The following BTRC variants were observed in gnomAD, a reference collection of about 807,000 sequenced individuals.
BTRC encodes beta-transducin repeat containing E3 ubiquitin protein ligase, also known as F-box/WD repeat-containing protein 1A.
A neutral mutation model predicts 85.5 loss-of-function variants in BTRC; 42 were observed. The ratio of observed to expected loss-of-function variants is 0.49; its 90% CI spans 0.38 to 0.64. BTRC has a LOEUF of 0.64. Ranked by LOEUF, BTRC falls within the 30% of genes least tolerant of loss-of-function variation. The pLI is 0.00. For synonymous variants in BTRC, 255 were observed against 263.3 expected (o/e 0.97, Z 0.30); for missense variants, 594 against 743.5 (o/e 0.80, Z 2.34).
At chr10:101,378,493 CAGTT>C (rs1942845863) in intron 1 of BTRC, among the ~76,000 whole-genome samples, 1 of 148,628 alleles carries the variant, frequency 6.7e-6, no homozygotes, top group African/African-American at 2.5e-5. Flanking sequence ...ACCGAGTTCT[CAGTT>C]AGGAAATAGG....
At chr10:101,414,259 T>C (rs907738544) in intron 1 of BTRC, among the ~76,000 whole-genome samples, 8 of 152,212 alleles carry the variant, frequency 5.3e-5, no homozygotes, top group Admixed American at 4.6e-4. Context: ...AGTGATGGAC[T>C]GTGTACACGA....
intron 4 of BTRC, among the ~76,000 whole-genome samples, chr10:101,508,143 C>G (rs1946590295): frequency 6.6e-6 from 1 of 152,054 alleles, no homozygotes; most frequent in Non-Finnish European, 1.5e-5. Context: ...CTGCTTTGTT[C>G]TGAATTTGAT....
chr10:101,547,114 T>C (rs532676704), intron 13 of BTRC, among the ~76,000 whole-genome samples: 1 of 152,242 alleles, frequency 6.6e-6, no homozygotes, highest in Admixed American at 6.5e-5. Context: ...GTTAGGCAGA[T>C]CAAATGCATT....
At chr10:101,419,214 T>C (rs1944031962) in intron 1 of BTRC, among the ~76,000 whole-genome samples, 1 of 152,116 alleles carries the variant, frequency 6.6e-6, no homozygotes, top group Admixed American at 6.6e-5. Context: ...TTTCACCATG[T>C]TGACCAGGCT....
chr10:101,424,419 T>A (rs1279900528), intron 1 of BTRC, among the ~76,000 whole-genome samples: 1 of 152,200 alleles, frequency 6.6e-6, no homozygotes, highest in African/African-American at 2.4e-5. Context: ...TATGGTATAC[T>A]GCATTTCTCT....
chr10:101,485,636 T>TTTTTTG (rs1023312724), intron 4 of BTRC, among the ~76,000 whole-genome samples: 5 of 152,340 alleles, frequency 3.3e-5, no homozygotes, highest in East Asian at 3.9e-4. Context: ...ATGAACCGTT[T>TTTTTTG]TTTTTGTTTT....
At chr10:101,386,286 C>G (rs981674362) in intron 1 of BTRC, among the ~76,000 whole-genome samples, 3 of 152,200 alleles carry the variant, frequency 2.0e-5, no homozygotes, top group African/African-American at 7.2e-5. Flanking sequence ...CTAGTAAGTA[C>G]ACTCTGCATC....
At chr10:101,455,257 A>G (rs1179098272) in intron 2 of BTRC, among the ~76,000 whole-genome samples, 1 of 144,754 alleles carries the variant, frequency 6.9e-6, no homozygotes, top group Non-Finnish European at 1.5e-5. Context: ...GGGTCTTGCT[A>G]TGTTACCCAG....
At position 101,553,221 on chromosome 10, in the gene BTRC, A is replaced by T. The variant is rs914220743; in HGVS notation, c.*98A>T. ...AGGATGAGCAACAACAGTAACAATCAAACTACTGCCCAGTTTCCCTGGACT... is the reference window on the plus strand; with the variant it reads ...AGGATGAGCAACAACAGTAACAATCTAACTACTGCCCAGTTTCCCTGGACT... On this transcript the variant is annotated 3_prime_UTR_variant, in exon 15 of 15. Transcript: ENST00000370187. The T allele has an allele frequency of 3.3e-5, 5 of 152,670 alleles. No homozygotes were observed. Among genetic ancestry groups the T allele is most frequent in the African/African-American group, 9.6e-5 (4 of 41,456 alleles). The allele number at this position is 152,670 out of a possible 1,614,324, so 9.5% of individuals were successfully genotyped here.
chr10:101,381,397 A>G (rs1373913848), intron 1 of BTRC, among the ~76,000 whole-genome samples: 1 of 152,178 alleles, frequency 6.6e-6, no homozygotes, highest in Non-Finnish European at 1.5e-5. Flanking sequence ...TATACTAACC[A>G]TGTTCCTTAA....
chr10:101,461,897 G>T (rs1945235665), intron 2 of BTRC, 84 bp from the exon 3 acceptor site: 3 of 995,930 alleles, frequency 3.0e-6, no homozygotes, highest in African/African-American at 1.6e-5. Context: ...CTAACTTACA[G>T]AATTAGAAAT....
In BTRC at chr10:101,534,591, C is replaced by T. The variant is rs991924474; in HGVS notation, c.1098-70C>T. ...TCTCTAAATATAAGGGGTGGAAGGG[C>T]GCATGATGGTCAAATATAGGTAACA... On this transcript the variant is annotated intron_variant, in intron 9 of 14. Transcript: ENST00000370187. The T allele has an allele frequency of 3.5e-5, 56 of 1,580,700 alleles. No homozygotes were observed. The East Asian group carries it at 6.0e-4, about 17-fold the overall frequency.
At chr10:101,433,854 C>G (rs1270812181) in intron 2 of BTRC, among the ~76,000 whole-genome samples, 1 of 151,912 alleles carries the variant, frequency 6.6e-6, no homozygotes, top group African/African-American at 2.4e-5. Context: ...TGGTTTTGGA[C>G]CCAGGATCTT....
chr10:101,523,235 A>C (rs2062145649), intron 5 of BTRC, among the ~76,000 whole-genome samples: 1 of 152,170 alleles, frequency 6.6e-6, no homozygotes, highest in Admixed American at 6.5e-5. Flanking sequence ...ATAGATAAAT[A>C]AATTCTACAG....
intron 3 of BTRC, among the ~76,000 whole-genome samples, chr10:101,465,584 ATATT>A (rs1314806428): frequency 6.6e-6 from 1 of 152,216 alleles, no homozygotes; most frequent in Non-Finnish European, 1.5e-5. Flanking sequence ...AATTCAACAA[ATATT>A]TAAGGAAGAA....
chr10:101,465,483 C>T (rs1945349411), intron 3 of BTRC, among the ~76,000 whole-genome samples: 1 of 152,110 alleles, frequency 6.6e-6, no homozygotes, highest in African/African-American at 2.4e-5. Flanking sequence ...TACCAAAACT[C>T]TTAACACAGG....
intron 4 of BTRC, among the ~76,000 whole-genome samples, chr10:101,513,673 A>C (rs1196625734): frequency 6.6e-6 from 1 of 152,164 alleles, no homozygotes; most frequent in Non-Finnish European, 1.5e-5. Context: ...TTTACCAGTT[A>C]ATCTTTTGAT....
At chr10:101,396,968 AATTTTTGGT>A in intron 1 of BTRC, among the ~76,000 whole-genome samples, 1 of 152,008 alleles carries the variant, frequency 6.6e-6, no homozygotes, top group South Asian at 2.1e-4. Flanking sequence ...TCGCCTGGCT[AATTTTTGGT>A]ATTTTTAGTA....
Position 101,554,998 on chromosome 10 carries a change from G to T in BTRC, c.*1875G>T, listed in dbSNP as rs2062707005. The T allele has an allele frequency of 6.6e-6, 1 of 152,192 alleles. No individual in the cohort carries two copies. The highest frequency in any genetic ancestry group is 1.9e-4 in the East Asian group (1 of 5,200). 9.4% of individuals were successfully genotyped at this position (152,192 alleles called of 1,614,324 possible). Reference sequence around the variant, plus strand: ...GGTTATATTCAGAAAATATTTCCCAGTATAATGATACATCGTAGCCTAAGA... The same window carrying T: ...GGTTATATTCAGAAAATATTTCCCATTATAATGATACATCGTAGCCTAAGA... On this transcript the variant is annotated 3_prime_UTR_variant, in exon 15 of 15. Coordinates refer to ENST00000370187, the MANE Select transcript of BTRC (RefSeq NM_033637.4).
Sources: gnomAD v4.1 joint callset for allele counts (sites outside exome capture counted in the v4.1 genomes callset) on GRCh38, gnomAD v4.1.1 for gene constraint, MANE v1.5 for transcripts, NCBI Gene and HGNC (gene_info 2026-07-23, HGNC 2026-07-21) for gene names.